Variants in SEMA5A observed in about 807,000 individuals in gnomAD.
SEMA5A encodes semaphorin 5A.
A neutral mutation model predicts 135.5 loss-of-function variants in SEMA5A; 55 were observed. The observed-to-expected ratio is 0.41, with a 90% CI of 0.33 to 0.51. The LOEUF (loss-of-function observed/expected upper bound fraction) is 0.51, where lower values mean the gene tolerates loss of function less well. Among genes scored for constraint, SEMA5A ranks in the 20% least tolerant of loss-of-function variants. SEMA5A has a pLI of 0.37. For missense variants in SEMA5A, 1,290 were observed against 1,419.9 expected (o/e 0.91, Z 1.47); for synonymous variants, 580 against 546.5 (o/e 1.06, Z -0.85).
At chr5:9,239,704 G>A (rs760037449) in intron 5 of SEMA5A, among the ~76,000 whole-genome samples, 1 of 151,902 alleles carries the variant, frequency 6.6e-6, no homozygotes, top group Non-Finnish European at 1.5e-5. Context: ...AACTTTGATT[G>A]TGTATTGCCA....
At chr5:9,157,133 C>A (rs1199551633) in intron 11 of SEMA5A, among the ~76,000 whole-genome samples, 1 of 152,064 alleles carries the variant, frequency 6.6e-6, no homozygotes, top group Non-Finnish European at 1.5e-5. Context: ...GTGACGAGTC[C>A]CCTCCACAGT....
At chr5:9,444,369 G>C (rs769927572) in intron 1 of SEMA5A, among the ~76,000 whole-genome samples, 4 of 152,056 alleles carry the variant, frequency 2.6e-5, no homozygotes, top group Non-Finnish European at 5.9e-5. Flanking sequence ...AGTCCCCAAA[G>C]GCCATTGTGT....
chr5:9,144,383 T>C, intron 12 of SEMA5A, among the ~76,000 whole-genome samples: 1 of 152,220 alleles, frequency 6.6e-6, no homozygotes, highest in Non-Finnish European at 1.5e-5. Context: ...AGGGCATAAG[T>C]CCAGAGGGGA....
intron 2 of SEMA5A, among the ~76,000 whole-genome samples, chr5:9,431,598 G>A (rs755425338): frequency 7.9e-5 from 12 of 152,068 alleles, no homozygotes; most frequent in Non-Finnish European, 1.3e-4. Flanking sequence ...CAGCTATAGA[G>A]GCCTCTCCAA....
intron 3 of SEMA5A, among the ~76,000 whole-genome samples, chr5:9,347,773 T>C (rs1046010046): frequency 2.0e-5 from 3 of 152,190 alleles, no homozygotes; most frequent in African/African-American, 4.8e-5. Flanking sequence ...TGTGTGACTT[T>C]CCAGACCTAC....
chr5:9,228,641 G>A (rs538923274), intron 6 of SEMA5A, among the ~76,000 whole-genome samples: 43 of 152,354 alleles, frequency 2.8e-4, no homozygotes, highest in Middle Eastern at 3.4e-3. Flanking sequence ...AGGAAGCCAA[G>A]GAGGAAGTCA....
chr5:9,243,694 G>C (rs1015775132), intron 5 of SEMA5A, among the ~76,000 whole-genome samples: 2 of 152,166 alleles, frequency 1.3e-5, no homozygotes, highest in African/African-American at 4.8e-5. Context: ...TAATGTGAGA[G>C]GTACTATTAT....
At chr5:9,399,089 T>C (rs1379433910) in intron 2 of SEMA5A, among the ~76,000 whole-genome samples, 2 of 152,184 alleles carry the variant, frequency 1.3e-5, no homozygotes, top group Non-Finnish European at 2.9e-5. Context: ...GCAATCCCAC[T>C]CCTATGTCTA....
At chr5:9,438,537 G>T (rs966224413) in intron 1 of SEMA5A, among the ~76,000 whole-genome samples, 2 of 152,216 alleles carry the variant, frequency 1.3e-5, no homozygotes, top group Non-Finnish European at 2.9e-5. Context: ...AAACATGTAT[G>T]CCAGAGGCTG....
intron 3 of SEMA5A, among the ~76,000 whole-genome samples, chr5:9,338,770 A>C (rs908141688): frequency 1.6e-4 from 24 of 152,178 alleles, no homozygotes; most frequent in Admixed American, 4.6e-4. Context: ...ACAGGAAAGA[A>C]TCTCCTCCAA....
intron 2 of SEMA5A, among the ~76,000 whole-genome samples, chr5:9,414,897 A>G (rs1757231630): frequency 6.6e-6 from 1 of 152,170 alleles, no homozygotes; most frequent in African/African-American, 2.4e-5. Flanking sequence ...GAAACAACAT[A>G]TGTAAAACAC....
chr5:9,238,492 C>T (rs552264230), intron 5 of SEMA5A, among the ~76,000 whole-genome samples: 123 of 152,214 alleles, frequency 8.1e-4, no homozygotes, highest in Non-Finnish European at 1.5e-3. Flanking sequence ...AGAGCCACAG[C>T]TTTTAAATAT....
chr5:9,354,178 T>C (rs1487984321), intron 3 of SEMA5A, among the ~76,000 whole-genome samples: 1 of 152,110 alleles, frequency 6.6e-6, no homozygotes, highest in Non-Finnish European at 1.5e-5. Flanking sequence ...TTTGGTGTAT[T>C]TTGGCCAATC....
chr5:9,184,087 C>T (rs1306734655), intron 11 of SEMA5A, among the ~76,000 whole-genome samples: 1 of 151,676 alleles, frequency 6.6e-6, no homozygotes, highest in African/African-American at 2.4e-5. Flanking sequence ...TTTTGGTTTT[C>T]TATTCCTTGA....
chr5:9,110,859 G>C (rs972820231), intron 15 of SEMA5A, among the ~76,000 whole-genome samples: 3 of 152,086 alleles, frequency 2.0e-5, no homozygotes, highest in African/African-American at 7.2e-5. Context: ...TATTCTCAGA[G>C]CTCAGGGCCA....
chr5:9,175,462 G>C (rs1042353814), intron 11 of SEMA5A, among the ~76,000 whole-genome samples: 1 of 152,072 alleles, frequency 6.6e-6, no homozygotes, highest in Admixed American at 6.5e-5. Flanking sequence ...CAGAGATGGC[G>C]GTGGCCCTTA....
intron 1 of SEMA5A, among the ~76,000 whole-genome samples, chr5:9,450,267 C>T (rs1758592933): frequency 6.6e-6 from 1 of 152,120 alleles, no homozygotes; most frequent in Non-Finnish European, 1.5e-5. Context: ...CCAATAGGGA[C>T]CAAGAAGGAA....
intron 1 of SEMA5A, among the ~76,000 whole-genome samples, chr5:9,464,880 T>G (rs540125507): frequency 1.3e-4 from 20 of 152,336 alleles, no homozygotes; most frequent in Admixed American, 3.3e-4. Context: ...CTCACAGCGG[T>G]CTGCAGCCAC....
chr5:9,216,245 A>G (rs1033001813), intron 8 of SEMA5A, among the ~76,000 whole-genome samples: 1 of 152,178 alleles, frequency 6.6e-6, no homozygotes, highest in African/African-American at 2.4e-5. Context: ...TGTTTACACA[A>G]AAGTCACCCA....
Sources: gnomAD v4.1 joint callset for allele counts (sites outside exome capture counted in the v4.1 genomes callset) on GRCh38, gnomAD v4.1.1 for gene constraint, MANE v1.5 for transcripts, NCBI Gene and HGNC (gene_info 2026-07-23, HGNC 2026-07-21) for gene names.